The following EDAR variants were observed in gnomAD, a reference collection of about 807,000 sequenced individuals.
The protein encoded by EDAR is ectodysplasin A receptor.
In EDAR, 38 loss-of-function variants were observed where a neutral mutation model predicts 51.3. That is an observed-to-expected ratio of 0.74 (90% confidence interval 0.57 to 0.97). EDAR has a LOEUF of 0.97. Among genes scored for constraint, EDAR ranks in the 50% least tolerant of loss-of-function variants. The pLI, the probability that EDAR is intolerant of heterozygous loss-of-function variation, is 0.00. For synonymous variants in EDAR, 227 were observed against 242.1 expected (o/e 0.94, Z 0.58); for missense variants, 528 against 595.0 (o/e 0.89, Z 1.17).
chr2:108,961,506 C>T (rs1698041869), intron 1 of EDAR, among the ~76,000 whole-genome samples: 1 of 152,230 alleles, frequency 6.6e-6, no homozygotes, highest in Non-Finnish European at 1.5e-5. Flanking sequence ...GGAGGTAGAG[C>T]TCCTGGTTCC....
intron 1 of EDAR, among the ~76,000 whole-genome samples, chr2:108,943,524 A>G (rs957343842): frequency 5.9e-5 from 9 of 152,194 alleles, no homozygotes; most frequent in African/African-American, 2.2e-4. Flanking sequence ...TTTTTGAAAA[A>G]GAGATTGCTG....
At chr2:108,899,703 AG>A (rs1696664216) in intron 11 of EDAR, among the ~76,000 whole-genome samples, 1 of 152,212 alleles carries the variant, frequency 6.6e-6, no homozygotes, top group Admixed American at 6.5e-5. Context: ...AACACCAGTA[AG>A]GCTGGGCACG....
chr2:108,969,766 A>G (rs1026339801), intron 1 of EDAR, among the ~76,000 whole-genome samples: 3 of 152,366 alleles, frequency 2.0e-5, no homozygotes, highest in Admixed American at 2.0e-4. Flanking sequence ...TTCAGCAGCT[A>G]GCTGGAAAGA....
At chr2:108,939,097 A>G (rs1697536570) in intron 1 of EDAR, among the ~76,000 whole-genome samples, 1 of 152,108 alleles carries the variant, frequency 6.6e-6, no homozygotes, top group South Asian at 2.1e-4. Flanking sequence ...CTCTTATATA[A>G]GCATAGTAAC....
rs773648942 is a variant in EDAR at position 108,929,259 on chromosome 2, C to T, written c.295G>A (p.Ala99Thr). 4 of 1,614,154 alleles carry T rather than the reference C, an allele frequency of 2.5e-6. No individual in the cohort carries two copies. Among genetic ancestry groups the T allele is most frequent in the Admixed American group, 3.3e-5 (2 of 60,028 alleles). Residue 99 changes from alanine to threonine, a missense_variant, in exon 4 of 12, where the codon GCC (alanine) becomes ACC (threonine). Transcript: ENST00000258443. The part of the protein sequence containing the change: ...RHKDCEGFFR[A>T]TVLTPGDMEN... ...ATGTCCCCTGGTGTCAGCACGGTGG[C>T]CCGGAAGAAGCCCTCACAGTCTTTG...
chr2:108,920,717 A>AT (rs796830423), intron 5 of EDAR, among the ~76,000 whole-genome samples: 87 of 152,330 alleles, frequency 5.7e-4, no homozygotes, highest in African/African-American at 2.0e-3. Context: ...ATTTTATTCC[A>AT]TTTTAAAGGA....
intron 1 of EDAR, among the ~76,000 whole-genome samples, chr2:108,969,360 T>C (rs755065283): frequency 4.6e-5 from 7 of 152,192 alleles, no homozygotes; most frequent in Admixed American, 2.0e-4. Context: ...TTGATCTGTA[T>C]GTGCTGGCTA....
intron 1 of EDAR, among the ~76,000 whole-genome samples, chr2:108,952,172 G>A (rs1697838880): frequency 6.6e-6 from 1 of 152,200 alleles, no homozygotes; most frequent in Non-Finnish European, 1.5e-5. Flanking sequence ...CTGAAAGAGG[G>A]GAGAGAATTT....
intron 1 of EDAR, among the ~76,000 whole-genome samples, chr2:108,974,963 C>G (rs1242615657): frequency 6.6e-6 from 1 of 152,176 alleles, no homozygotes; most frequent in Non-Finnish European, 1.5e-5. Flanking sequence ...GAAGGAAGAG[C>G]CCATCAACCC....
intron 1 of EDAR, among the ~76,000 whole-genome samples, chr2:108,965,233 T>A (rs1698125128): frequency 6.6e-6 from 1 of 152,054 alleles, no homozygotes; most frequent in African/African-American, 2.4e-5. Flanking sequence ...ATCCCAGCAC[T>A]TTGGGAGGCC....
chr2:108,924,328 C>T (rs1236297326), intron 4 of EDAR, among the ~76,000 whole-genome samples: 1 of 152,238 alleles, frequency 6.6e-6, no homozygotes, highest in East Asian at 1.9e-4. Flanking sequence ...CTGGCACCAC[C>T]CTCTCCTTGG....
chr2:108,909,568 G>T (rs1207013049), intron 9 of EDAR, among the ~76,000 whole-genome samples: 1 of 152,316 alleles, frequency 6.6e-6, no homozygotes, highest in East Asian at 1.9e-4. Context: ...ACTGTTGCGG[G>T]GGTGTCCTTC....
chr2:108,978,737 G>A (rs1010073905), intron 1 of EDAR, among the ~76,000 whole-genome samples: 3 of 152,186 alleles, frequency 2.0e-5, no homozygotes, highest in Middle Eastern at 3.2e-3. Context: ...GCCCAACCCC[G>A]TGCAGGTTTT....
intron 1 of EDAR, among the ~76,000 whole-genome samples, chr2:108,954,873 G>A (rs1356441511): frequency 1.3e-5 from 2 of 151,792 alleles, no homozygotes; most frequent in South Asian, 2.1e-4. Flanking sequence ...TAATTGAGAC[G>A]GGATTTCACC....
At chr2:108,954,816 C>T (rs944268807) in intron 1 of EDAR, among the ~76,000 whole-genome samples, 2 of 152,148 alleles carry the variant, frequency 1.3e-5, no homozygotes, top group South Asian at 2.1e-4. Context: ...GCTAGTATTA[C>T]AGGCGCCCGC....
intron 1 of EDAR, among the ~76,000 whole-genome samples, chr2:108,965,464 CA>C (rs71383817): frequency 4.4e-5 from 6 of 137,364 alleles, no homozygotes; most frequent in Admixed American, 1.4e-4. Flanking sequence ...GATTTCGTCT[CA>C]AAAAAAAAAA....
intron 1 of EDAR, among the ~76,000 whole-genome samples, chr2:108,985,755 G>A (rs1698487638): frequency 6.6e-6 from 1 of 152,168 alleles, no homozygotes; most frequent in South Asian, 2.1e-4. Context: ...ACTAGGATTT[G>A]TTTGCTTATT....
chr2:108,971,594 T>C (rs895714783), intron 1 of EDAR, among the ~76,000 whole-genome samples: 2 of 151,662 alleles, frequency 1.3e-5, no homozygotes, highest in African/African-American at 4.8e-5. Context: ...GGTGTGAGGG[T>C]GTGAGGGCTG....
intron 11 of EDAR, among the ~76,000 whole-genome samples, chr2:108,898,188 G>A (rs996969833): frequency 2.0e-5 from 3 of 152,162 alleles, no homozygotes; most frequent in African/African-American, 4.8e-5. Flanking sequence ...AAGGCTGAGT[G>A]GGGAGCCTAG....
Sources: allele counts gnomAD v4.1 joint callset (sites outside exome capture counted in the v4.1 genomes callset), GRCh38; gene constraint gnomAD v4.1.1; transcripts MANE v1.5; gene names NCBI Gene and HGNC (gene_info 2026-07-23, HGNC 2026-07-21).